IQSEC1: variants seen among roughly 807,000 people sequenced by gnomAD.
The protein encoded by IQSEC1 is IQ motif and SEC7 domain-containing protein 1.
Under a neutral mutation model 91.0 loss-of-function variants are expected in IQSEC1, and 31 were observed. That is an observed-to-expected ratio of 0.34 (90% confidence interval 0.26 to 0.46). IQSEC1 has a LOEUF of 0.46. IQSEC1 is among the 20% of genes least tolerant of loss of function. IQSEC1 has a pLI of 1.00. For missense variants in IQSEC1, 1,388 were observed against 1,575.6 expected (o/e 0.88, Z 2.02); for synonymous variants, 699 against 662.6 (o/e 1.05, Z -0.84).
chr3:13,199,617 G>A (rs1694200960), intron 1 of IQSEC1, among the ~76,000 whole-genome samples: 1 of 152,110 alleles, frequency 6.6e-6, no homozygotes, highest in South Asian at 2.1e-4. Flanking sequence ...CTCCTTCAGT[G>A]TACTTTTCAG....
At chr3:13,006,492 G>C (rs1051662693) in intron 1 of IQSEC1, among the ~76,000 whole-genome samples, 4 of 152,222 alleles carry the variant, frequency 2.6e-5, no homozygotes, top group Non-Finnish European at 4.4e-5. Context: ...CCGCCAGCCA[G>C]CATCCACTGG....
At chr3:13,260,546 G>A (rs1049806402) in intron 1 of IQSEC1, among the ~76,000 whole-genome samples, 8 of 152,180 alleles carry the variant, frequency 5.3e-5, no homozygotes, top group Admixed American at 1.3e-4. Flanking sequence ...CAAAGCCCAC[G>A]TTCCTAAGGG....
At chr3:13,208,332 C>T (rs965462800) in intron 1 of IQSEC1, among the ~76,000 whole-genome samples, 3 of 151,962 alleles carry the variant, frequency 2.0e-5, no homozygotes, top group Admixed American at 6.6e-5. Context: ...AGGGCCCTTC[C>T]GGATCAGGCC....
intron 1 of IQSEC1, among the ~76,000 whole-genome samples, chr3:13,192,911 C>CA (rs1027725797): frequency 3.3e-5 from 5 of 152,258 alleles, no homozygotes; most frequent in African/African-American, 1.2e-4. Flanking sequence ...CTCCCAGCAG[C>CA]AACACCTCCC....
chr3:13,251,494 C>T (rs1318841925), intron 1 of IQSEC1, among the ~76,000 whole-genome samples: 1 of 152,186 alleles, frequency 6.6e-6, no homozygotes, highest in Non-Finnish European at 1.5e-5. Flanking sequence ...AACCTTCACA[C>T]TCAGGAATAT....
At chr3:13,101,419 C>CAAAAAAA (rs5846799) in intron 2 of IQSEC1, among the ~76,000 whole-genome samples, 3,846 of 119,264 alleles carry the variant, frequency 0.032, 86 homozygotes, top group Non-Finnish European at 0.037. Flanking sequence ...ATTCCATCTC[C>CAAAAAAA]AAAAAAAAAA....
At chr3:13,279,632 T>G (rs1695752508) in intron 1 of IQSEC1, among the ~76,000 whole-genome samples, 1 of 152,214 alleles carries the variant, frequency 6.6e-6, no homozygotes, top group Non-Finnish European at 1.5e-5. Flanking sequence ...CTCGAGTCAC[T>G]GCACCTTCTG....
intron 1 of IQSEC1, among the ~76,000 whole-genome samples, chr3:13,033,257 G>T (rs760444656): frequency 1.3e-5 from 2 of 152,110 alleles, no homozygotes; most frequent in Non-Finnish European, 2.9e-5. Flanking sequence ...ACAGGTCCTC[G>T]TACCCACTTC....
rs576175494 is a variant in IQSEC1 at position 13,211,850 on chromosome 3, A to G, written c.273-47717T>C. 1.3e-5 allele frequency among the ~76,000 whole-genome samples: 2 copies of G among 152,108 alleles called. No individual in the cohort carries two copies. Among genetic ancestry groups the G allele is most frequent in the African/African-American group, 4.8e-5 (2 of 41,480 alleles). On this transcript the variant is annotated intron_variant, in intron 1 of 15. Transcript: ENST00000648114. This position sits in a 1 kb window ranked among gnomAD's most constrained non-coding sequence, Gnocchi z 5.3. ...CGCACCCTCCATGCAGCCCTCGCCC[A>G]CCCTCGCAGGCACAGTCCCTCCACG...
In IQSEC1 at chr3:13,073,296, GC is replaced by G. The variant is rs1169460441; in HGVS notation, c.-283del. 6.6e-6 allele frequency among the ~76,000 whole-genome samples: 1 copy of G among 152,212 alleles called. No individual in the cohort carries two copies. The highest frequency in any genetic ancestry group is 1.9e-4 in the East Asian group (1 of 5,194). On this transcript the variant is annotated 5_prime_UTR_variant, in exon 1 of 14. Coordinates refer to ENST00000613206, the MANE Select transcript of IQSEC1 (RefSeq NM_001134382.3). ...CGAGTAACCGTGGTCGCCAGGCTGG[GC>G]GGGGGCGTCCACCTCGCTGCTACCT... is the stretch of plus-strand genomic sequence containing the variant.
chr3:13,094,274 T>A (rs546789172), intron 2 of IQSEC1, among the ~76,000 whole-genome samples: 10 of 152,072 alleles, frequency 6.6e-5, no homozygotes, highest in Non-Finnish European at 1.3e-4. Flanking sequence ...GCATCAGGCC[T>A]TGAAGGATGA....
chr3:13,046,426 C>T (rs1461910839), intron 1 of IQSEC1, among the ~76,000 whole-genome samples: 1 of 152,224 alleles, frequency 6.6e-6, no homozygotes, highest in Non-Finnish European at 1.5e-5. Context: ...TGGCCACCCC[C>T]TCGCTCCCTG....
Position 13,145,225 on chromosome 3 carries a change from C to T in IQSEC1, c.302+18879G>A, listed in dbSNP as rs1706869701. Among the ~76,000 whole-genome samples, 3 of 152,158 alleles carry T rather than the reference C, an allele frequency of 2.0e-5. No individual in the cohort carries two copies. The South Asian group carries it at 6.2e-4, about 32-fold the overall frequency. ...AAACCCTATGAAGAGTAGCTTAGAACACAAAGGCATCTAAAGTGTGGTGAT... is the reference window on the plus strand; with the variant it reads ...AAACCCTATGAAGAGTAGCTTAGAATACAAAGGCATCTAAAGTGTGGTGAT... On this transcript the variant is annotated intron_variant, in intron 2 of 15. Transcript: ENST00000648114.
chr3:13,272,088 A>G (rs1177705978), intron 1 of IQSEC1, among the ~76,000 whole-genome samples: 1 of 152,212 alleles, frequency 6.6e-6, no homozygotes, highest in Non-Finnish European at 1.5e-5. Flanking sequence ...ACAAAGTATG[A>G]TCTCTGAACA....
chr3:13,084,260 G>A (rs1259539441), intron 2 of IQSEC1, among the ~76,000 whole-genome samples: 2 of 152,110 alleles, frequency 1.3e-5, no homozygotes, highest in African/African-American at 4.8e-5. Context: ...AGGTCACCCA[G>A]CCCAAGGAAC....
chr3:13,177,578 C>T (rs1334964530), intron 1 of IQSEC1, among the ~76,000 whole-genome samples: 1 of 141,810 alleles, frequency 7.1e-6, no homozygotes, highest in East Asian at 2.1e-4. Context: ...ATTCCCCATC[C>T]CTGTGGACAG....
chr3:13,131,161 C>A (rs552344652), intron 2 of IQSEC1, among the ~76,000 whole-genome samples: 1 of 152,190 alleles, frequency 6.6e-6, no homozygotes, highest in African/African-American at 2.4e-5. Flanking sequence ...TGAGTGTGTT[C>A]TAACTTTAGG....
rs764239664 is a variant in IQSEC1 at position 12,899,405 on chromosome 3, T to A, written c.*1578A>T. The stretch of plus-strand genomic sequence containing the variant: ...GTCCCATGGCTTAGGAGCACAGCAC[T>A]GACGGCTGCAGTGGCTCGAAAGGCT... On this transcript the variant is annotated 3_prime_UTR_variant, in exon 14 of 14. Transcript: ENST00000613206. The A allele has an allele frequency of 1.2e-6, 2 of 1,612,994 alleles. No homozygotes were observed. The highest frequency in any genetic ancestry group is 1.7e-6 in the Non-Finnish European group (2 of 1,179,862).
chr3:13,274,013 TG>T (rs1305082526), intron 1 of IQSEC1, among the ~76,000 whole-genome samples: 4 of 152,206 alleles, frequency 2.6e-5, no homozygotes, highest in Non-Finnish European at 5.9e-5. Context: ...ATGAAAAATC[TG>T]AGGCTCAGAG....
Sources: gnomAD v4.1 joint callset for allele counts (sites outside exome capture counted in the v4.1 genomes callset) on GRCh38, gnomAD v4.1.1 for gene constraint, Gnocchi (gnomAD v3.1) non-coding constraint, MANE v1.5 for transcripts, NCBI Gene and HGNC (gene_info 2026-07-23, HGNC 2026-07-21) for gene names.